The following TMEM92 variants were observed in gnomAD, a reference collection of about 807,000 sequenced individuals.
TMEM92 encodes transmembrane protein 92.
In TMEM92, 15 loss-of-function variants were observed where a neutral mutation model predicts 14.6. The observed-to-expected ratio is 1.03, with a 90% confidence interval of 0.69 to 1.58. The LOEUF is 1.58. TMEM92 is among the 40% of genes most tolerant of loss of function. The probability of loss-of-function intolerance (pLI) is 0.00; values close to 1 mark genes in which losing one functional copy is unlikely to be tolerated. For missense variants in TMEM92, 174 were observed against 202.4 expected (o/e 0.86, Z 0.85); for synonymous variants, 85 against 83.3 (o/e 1.02, Z -0.11).
Position 50,279,467 on chromosome 17 carries a change from A to C in TMEM92, c.*159A>C, listed in dbSNP as rs1598330957. The C allele has an allele frequency of 9.4e-6, 6 of 638,574 alleles. No homozygotes were observed. The allele number at this position is 638,574 out of a possible 1,614,324, so 39.6% of individuals were successfully genotyped here. A position where few individuals can be genotyped will look rare whatever the true frequency, so the allele number is the denominator to read the frequency against. ...TATTACTTTTTCTGCTTCTGTTTCC[A>C]CCCCAGCTGCCTCTCTTGTCCTGAG... On this transcript the variant is annotated 3_prime_UTR_variant, in exon 5 of 5. Transcript: ENST00000507382.
At chr17:50,278,449 T>A in intron 2 of TMEM92, 107 bp from the exon 3 acceptor site, 9 of 1,294,874 alleles carry the variant, frequency 7.0e-6, no homozygotes, top group Non-Finnish European at 7.7e-6. Flanking sequence ...AAGGGGTGGC[T>A]TGTGCCATGA....
chr17:50,274,018 G>A (rs969090393), upstream of TMEM92, among the ~76,000 whole-genome samples: 3 of 152,004 alleles, frequency 2.0e-5, no homozygotes, highest in Non-Finnish European at 4.4e-5. Flanking sequence ...TCACTCCGTC[G>A]CCCAGGCTGG....
At chr17:50,274,667 A>AGGAAATCCTGATTC in intron 1 of TMEM92, 97 bp downstream of exon 1, 1 of 1,114,162 alleles carries the variant, frequency 9.0e-7, no homozygotes, top group Non-Finnish European at 1.3e-6. Flanking sequence ...CAGAATCAGG[A>AGGAAATCCTGATTC]TTTCCTCCTG....
chr17:50,274,483 C>G lies in TMEM92; in HGVS notation c.-19C>G. The G allele has an allele frequency of 6.2e-7, 1 of 1,613,764 alleles. No homozygotes were observed. The highest frequency in any genetic ancestry group is 8.5e-7 in the Non-Finnish European group (1 of 1,179,776). ...CCCGCCTTCTCTACACAGGAAAGCT[C>G]AGTGGCCCCCAAGCCAGGATGTCCC... On this transcript the variant is annotated 5_prime_UTR_variant, in exon 1 of 5. Transcript: ENST00000507382.
chr17:50,274,436 G>A, upstream of TMEM92: 1 of 1,568,892 alleles, frequency 6.4e-7, no homozygotes, highest in Non-Finnish European at 8.7e-7. Flanking sequence ...CATAGGTGGA[G>A]AGAAGTGGGA....
chr17:50,278,705 G>T, intron 3 of TMEM92, 75 bp downstream of exon 3: 1 of 1,582,172 alleles, frequency 6.3e-7, no homozygotes. Context: ...CCAGGCACCT[G>T]CCGAGGGGGC....
chr17:50,279,355 G>C lies in TMEM92; in HGVS notation c.*47G>C. 6.7e-7 allele frequency: 1 copy of C among 1,500,170 alleles called. No homozygotes were observed. The highest frequency in any genetic ancestry group is 9.3e-7 in the Non-Finnish European group (1 of 1,076,986). The allele number at this position is 1,500,170 out of a possible 1,614,324, so 92.9% of individuals were successfully genotyped here. On this transcript the variant is annotated 3_prime_UTR_variant, in exon 5 of 5. Coordinates refer to ENST00000507382, the MANE Select transcript of TMEM92 (RefSeq NM_153229.3). ...TGCCATCAGCAACCTCCTCCCCAGTGCCTCCTGGATCAAGCTAGAGACTGC... is the reference window on the plus strand; with the variant it reads ...TGCCATCAGCAACCTCCTCCCCAGTCCCTCCTGGATCAAGCTAGAGACTGC...
Position 50,279,513 on chromosome 17 carries a change from T to G in TMEM92, c.*205T>G. 1 of 524,472 alleles carries G rather than the reference T, an allele frequency of 1.9e-6. No homozygotes were observed. 32.5% of individuals were successfully genotyped at this position (524,472 alleles called of 1,614,324 possible). A position where few individuals can be genotyped will look rare whatever the true frequency, so the allele number is the denominator to read the frequency against. ...CTGAGGGTTAGGCTGGAGTGACAGT[T>G]TCCGCCCACCCCCCAGCCCAAGAAA... On this transcript the variant is annotated 3_prime_UTR_variant, in exon 5 of 5. Transcript: ENST00000507382.
intron 1 of TMEM92, among the ~76,000 whole-genome samples, chr17:50,276,108 G>A (rs1567787683): frequency 2.6e-5 from 4 of 151,898 alleles, no homozygotes; most frequent in Admixed American, 2.6e-4. Context: ...TCCAGCCTGG[G>A]CAACAGAGCT....
At chr17:50,275,427 G>A (rs1910398307) in intron 1 of TMEM92, among the ~76,000 whole-genome samples, 1 of 152,048 alleles carries the variant, frequency 6.6e-6, no homozygotes, top group African/African-American at 2.4e-5. Flanking sequence ...TAAATCACTG[G>A]GCGGTCAGTT....
At chr17:50,278,704 T>C in intron 3 of TMEM92, 74 bp downstream of exon 3, 1 of 1,581,170 alleles carries the variant, frequency 6.3e-7, no homozygotes, top group Non-Finnish European at 8.6e-7. Context: ...GCCAGGCACC[T>C]GCCGAGGGGG....
intron 2 of TMEM92, among the ~76,000 whole-genome samples, chr17:50,278,048 A>T (rs1910486740): frequency 6.6e-6 from 1 of 152,152 alleles, no homozygotes; most frequent in African/African-American, 2.4e-5. Flanking sequence ...TAACCCTAAG[A>T]GAGAAATCCC....
rs1183828750 is a variant in TMEM92, at chr17:50,281,036, GA to G, written c.*1729del. On this transcript the variant is annotated 3_prime_UTR_variant, in exon 5 of 5. Coordinates refer to ENST00000507382, the MANE Select transcript of TMEM92 (RefSeq NM_153229.3). ...TTGAGAAATGGGCTTGGGAGACCTG[GA>G]GGAGAAGTTACCCTCGGCCCAGACG... 3.3e-5 allele frequency: 5 copies of G among 152,380 alleles called. No homozygotes were observed. The highest frequency in any genetic ancestry group is 4.1e-4 in the South Asian group (2 of 4,830). The allele number at this position is 152,380 out of a possible 1,614,324, so 9.4% of individuals were successfully genotyped here.
At chr17:50,274,874 A>G in intron 1 of TMEM92, 1 of 414,150 alleles carries the variant, frequency 2.4e-6, no homozygotes, top group Non-Finnish European at 4.3e-6. Flanking sequence ...TATTAGCCTC[A>G]GCTTATCCTT....
At chr17:50,274,971 T>A (rs1910378558) in intron 1 of TMEM92, 1 of 196,008 alleles carries the variant, frequency 5.1e-6, no homozygotes, top group Non-Finnish European at 1.0e-5. Flanking sequence ...CCCTGGGATG[T>A]CCCCACCCTC....
At position 50,280,280 on chromosome 17, in the gene TMEM92, G is replaced by A. The variant is rs148982814; in HGVS notation, c.*972G>A. 3.8e-3 allele frequency: 579 copies of A among 152,358 alleles called. 4 individuals are homozygous for A. Among genetic ancestry groups the A allele is most frequent in the Non-Finnish European group, 6.1e-3 (412 of 68,052 alleles). 9.4% of individuals were successfully genotyped at this position (152,358 alleles called of 1,614,324 possible). On this transcript the variant is annotated 3_prime_UTR_variant, in exon 5 of 5. Coordinates refer to ENST00000507382, the MANE Select transcript of TMEM92 (RefSeq NM_153229.3). ...GCAGTGGGTGGGGCTGGGCATCCGT[G>A]GAGTGGGGCTTTAGGAGACCTTGAA...
At position 50,280,099 on chromosome 17, in the gene TMEM92, T is replaced by A. The variant is rs1910569091; in HGVS notation, c.*791T>A. ...CCGCCCAAGGCTTTCCTGGGACACA[T>A]GGAGCCCAGCTCTCTGGCTGTCTTA... On this transcript the variant is annotated 3_prime_UTR_variant, in exon 5 of 5. Coordinates refer to ENST00000507382, the MANE Select transcript of TMEM92 (RefSeq NM_153229.3). 6.6e-6 allele frequency: 1 copy of A among 152,276 alleles called. No individual in the cohort carries two copies. Among genetic ancestry groups the A allele is most frequent in the African/African-American group, 2.4e-5 (1 of 41,454 alleles). 9.4% of individuals were successfully genotyped at this position (152,276 alleles called of 1,614,324 possible). A position where few individuals can be genotyped will look rare whatever the true frequency, so the allele number is the denominator to read the frequency against.
intron 4 of TMEM92, 70 bp downstream of exon 4, chr17:50,279,066 C>G: frequency 7.0e-7 from 1 of 1,419,438 alleles, no homozygotes; most frequent in Non-Finnish European, 9.9e-7. Flanking sequence ...GAGGGCCCTT[C>G]GATCCTGGAG....
At chr17:50,277,780 G>C in intron 2 of TMEM92, 40 bp downstream of exon 2, 1 of 1,613,562 alleles carries the variant, frequency 6.2e-7, no homozygotes, top group South Asian at 1.1e-5. Context: ...GGGGAGCGGG[G>C]AGGAGCAACC....
Sources: allele counts gnomAD v4.1 joint callset (sites outside exome capture counted in the v4.1 genomes callset), GRCh38; gene constraint gnomAD v4.1.1; transcripts MANE v1.5; gene names NCBI Gene and HGNC (gene_info 2026-07-23, HGNC 2026-07-21).